The following GOLGB1 variants were observed in gnomAD, a reference collection of about 807,000 sequenced individuals.
GOLGB1 encodes golgin subfamily B member 1.
A neutral mutation model predicts 336.9 loss-of-function variants in GOLGB1; 174 were observed. The observed-to-expected ratio is 0.52, with a 90% CI of 0.46 to 0.59. The LOEUF is 0.59. Among genes scored for constraint, GOLGB1 ranks in the 20% least tolerant of loss-of-function variants. The probability of loss-of-function intolerance (pLI) is 0.00; values close to 1 mark genes in which losing one functional copy is unlikely to be tolerated. For synonymous variants in GOLGB1, 1,208 were observed against 1,289.2 expected (o/e 0.94, Z 1.35); for missense variants, 3,331 against 3,645.3 (o/e 0.91, Z 2.22).
chr3:121,664,281 T>C lies in GOLGB1; in HGVS notation c.*199A>G, dbSNP rs1359200409. 4 of 599,386 alleles carry C rather than the reference T, an allele frequency of 6.7e-6. No homozygotes were observed. The highest frequency in any genetic ancestry group is 1.2e-5 in the Non-Finnish European group (4 of 331,902). 37.1% of individuals were successfully genotyped at this position (599,386 alleles called of 1,614,324 possible). On this transcript the variant is annotated 3_prime_UTR_variant, in exon 22 of 22. Transcript: ENST00000614479. ...GCAGAAGCGTTCAGGCTCAGGGCAG[T>C]AGAAGAAAGCAGACTCGCCAGTCCC...
At chr3:121,673,925 T>C (rs1389686255) in intron 17 of GOLGB1, among the ~76,000 whole-genome samples, 2 of 152,204 alleles carry the variant, frequency 1.3e-5, no homozygotes, top group Non-Finnish European at 2.9e-5. Context: ...TTCGCCATGT[T>C]GGCAAGACTG....
chr3:121,730,243 C>T (rs894261214), intron 2 of GOLGB1: 10 of 368,892 alleles, frequency 2.7e-5, no homozygotes, highest in Non-Finnish European at 4.8e-5. Context: ...GTATTATTAT[C>T]CTAATTTTAC....
Position 121,697,214 on chromosome 3 carries a change from A to T in GOLGB1, c.3309T>A (p.Asn1103Lys). ...GGTTTGTTTTATCTTGCAAGGTCTG[A>T]TTCATCTGTTTGACCAGAGCCTGGA... Reference protein sequence around the residue: ...EQFQALVKQMNQTLQDKTNQI... With the variant: ...EQFQALVKQMKQTLQDKTNQI... The change falls in exon 13 of 22, where the codon AAT becomes AAA. Residue 1103 changes from asparagine (N) to lysine (K), a missense_variant. Asn to Lys is a moderately conservative substitution (Grantham distance 94). Coordinates refer to ENST00000614479, the MANE Select transcript of GOLGB1 (RefSeq NM_001366282.2). 1 of 1,614,066 alleles carries T rather than the reference A, an allele frequency of 6.2e-7. No homozygotes were observed. The highest frequency in any genetic ancestry group is 8.5e-7 in the Non-Finnish European group (1 of 1,179,994).
intron 10 of GOLGB1, among the ~76,000 whole-genome samples, chr3:121,710,735 T>TAGTCC (rs1434283659): frequency 2.0e-5 from 3 of 152,168 alleles, no homozygotes; most frequent in African/African-American, 7.2e-5. Context: ...CATGTGCCTG[T>TAGTCC]AGTCCCAACT....
At chr3:121,681,575 A>T (rs1308936912) in intron 15 of GOLGB1, 112 bp downstream of exon 15, 1 of 734,972 alleles carries the variant, frequency 1.4e-6, no homozygotes, top group East Asian at 2.6e-5. Context: ...ACTGGAAGAA[A>T]CTGGGTGAAG....
intron 14 of GOLGB1, among the ~76,000 whole-genome samples, chr3:121,688,513 A>G (rs983893040): frequency 4.6e-5 from 7 of 152,218 alleles, no homozygotes; most frequent in African/African-American, 1.7e-4. Context: ...GCTGGAGTGC[A>G]GTGGTGTGAT....
chr3:121,677,202 T>TAAA (rs3835145), intron 16 of GOLGB1, 83 bp downstream of exon 16: 203 of 1,137,284 alleles, frequency 1.8e-4, no homozygotes, highest in South Asian at 3.2e-4. Flanking sequence ...GGTAGCGTCT[T>TAAA]AAAAAAAAAA....
intron 9 of GOLGB1, among the ~76,000 whole-genome samples, chr3:121,716,236 T>C (rs1038925261): frequency 6.6e-6 from 1 of 152,178 alleles, no homozygotes; most frequent in Non-Finnish European, 1.5e-5. Flanking sequence ...TAATAACACA[T>C]TTTTTAAAAG....
rs772688566 is a variant in GOLGB1 at position 121,681,812 on chromosome 3, G to C, written c.8748C>G (p.Ile2916Met). 26 of 1,604,346 alleles carry C rather than the reference G, an allele frequency of 1.6e-5. No individual in the cohort carries two copies. Among genetic ancestry groups the C allele is most frequent in the Non-Finnish European group, 2.1e-5 (25 of 1,171,528 alleles). ...QQQYLQINQEITELHPLKAQL... is the reference protein window; with the variant it reads ...QQQYLQINQEMTELHPLKAQL... ...GAGCCTTCAGTGGATGTAACTCAGT[G>C]ATCTCTTGATTAATCTGTAAGTATT... The change falls in exon 15 of 22, where the codon ATC becomes ATG. Residue 2916 changes from isoleucine (I) to methionine (M), a missense_variant. Physicochemically the swap from Ile to Met is conservative, Grantham distance 10 (BLOSUM62 1). Transcript: ENST00000614479.
At position 121,695,110 on chromosome 3, in the gene GOLGB1, G is replaced by A; in HGVS notation, c.5413C>T (p.Gln1805Ter). ...CTTGTGCTCATACTCAGAGAGTCTT[G>A]CTCTTCAGTCTCACCTGGTATAGAC... ...TQSIPGETEE[Q>*]DSLSMSTRPT... is the part of the protein sequence containing the mutation. Residue 1805 changes from glutamine to a stop codon, truncating the protein, a stop_gained, in exon 13 of 22, where the codon CAA becomes TAA. Transcript: ENST00000614479. LOFTEE classifies it high-confidence loss of function. The A allele has an allele frequency of 6.2e-7, 1 of 1,613,700 alleles. No individual in the cohort carries two copies. The highest frequency in any genetic ancestry group is 8.5e-7 in the Non-Finnish European group (1 of 1,179,974).
At chr3:121,748,713 G>T in intron 1 of GOLGB1, 1 of 593,490 alleles carries the variant, frequency 1.7e-6, no homozygotes, top group Non-Finnish European at 2.1e-6. Flanking sequence ...CTTGCATCTT[G>T]CACAGAACTG....
chr3:121,668,020 C>CAG (rs1938882919), intron 19 of GOLGB1, 41 bp downstream of exon 19: 1 of 1,043,498 alleles, frequency 9.6e-7, no homozygotes, highest in African/African-American at 1.6e-5. Flanking sequence ...AATTTCTGGA[C>CAG]TCTGGTGTAT....
At chr3:121,690,333 G>A (rs1942292128) in intron 14 of GOLGB1, among the ~76,000 whole-genome samples, 1 of 152,048 alleles carries the variant, frequency 6.6e-6, no homozygotes, top group Non-Finnish European at 1.5e-5. Context: ...CTTTCTTTCA[G>A]TTAAGCTATG....
At chr3:121,672,695 A>T (rs558855008) in intron 17 of GOLGB1, among the ~76,000 whole-genome samples, 234 of 152,342 alleles carry the variant, frequency 1.5e-3, no homozygotes, top group Non-Finnish European at 2.9e-3. Flanking sequence ...TACACAAAAA[A>T]AGCCTTGGCT....
Position 121,665,032 on chromosome 3 carries a change from C to T in GOLGB1, c.9555-1G>A. The T allele has an allele frequency of 6.4e-7, 1 of 1,574,672 alleles. No homozygotes were observed. The highest frequency in any genetic ancestry group is 8.7e-7 in the Non-Finnish European group (1 of 1,144,172). On this transcript the variant is annotated splice_acceptor_variant, in intron 20 of 21. Transcript: ENST00000614479. LOFTEE classifies it high-confidence loss of function. ...AGAGTCCCATTCACTGTGCTCTAAC[C>T]TGAGTTGAGAAAAAAAAGAGGCATA...
In GOLGB1 at chr3:121,669,272, G is replaced by T; in HGVS notation, c.9261C>A (p.His3087Gln). 1 of 1,613,934 alleles carries T rather than the reference G, an allele frequency of 6.2e-7. No homozygotes were observed. Among genetic ancestry groups the T allele is most frequent in the Non-Finnish European group, 8.5e-7 (1 of 1,179,806 alleles). ...TSQSLRENQQ[H>Q]YGDLLNHCAV... is the part of the protein sequence containing the mutation. ...CACAGTGATTTAAAAGGTCACCATA[G>T]TGCTGCTGGTTCTCACGAAGACTCT... The change falls in exon 18 of 22, where the codon CAC becomes CAA. Residue 3087 changes from histidine to glutamine, a missense_variant. By Grantham distance (24) the His-to-Gln change is conservative (BLOSUM62 0). Coordinates refer to ENST00000614479, the MANE Select transcript of GOLGB1 (RefSeq NM_001366282.2).
At chr3:121,737,644 C>T (rs1409260989) in intron 1 of GOLGB1, among the ~76,000 whole-genome samples, 13 of 142,232 alleles carry the variant, frequency 9.1e-5, no homozygotes, top group African/African-American at 2.6e-4. Context: ...AGAGCAAGAC[C>T]GCGTCTCAAA....
At chr3:121,708,358 G>A (rs1944065267) in intron 10 of GOLGB1, among the ~76,000 whole-genome samples, 1 of 152,110 alleles carries the variant, frequency 6.6e-6, no homozygotes, top group African/African-American at 2.4e-5. Flanking sequence ...TGTTCTGGGT[G>A]CTATGGCTTA....
chr3:121,708,989 TTAAAAG>T (rs1054305977), intron 10 of GOLGB1, among the ~76,000 whole-genome samples: 2 of 151,842 alleles, frequency 1.3e-5, no homozygotes, highest in Non-Finnish European at 2.9e-5. Context: ...GAAAAACAAG[TTAAAAG>T]TAAAAGGATA....
Sources: gnomAD v4.1 joint callset for allele counts (sites outside exome capture counted in the v4.1 genomes callset) on GRCh38, gnomAD v4.1.1 for gene constraint, MANE v1.5 for transcripts, NCBI Gene and HGNC (gene_info 2026-07-23, HGNC 2026-07-21) for gene names.